Variants in PPP2R2A observed in about 807,000 individuals in gnomAD.
PPP2R2A encodes serine/threonine-protein phosphatase 2A 55 kDa regulatory subunit B alpha isoform.
A neutral mutation model predicts 53.2 loss-of-function variants in PPP2R2A; 9 were observed. The ratio of observed to expected loss-of-function variants is 0.17; its 90% CI spans 0.10 to 0.30. PPP2R2A has a LOEUF of 0.30. Among genes scored for constraint, PPP2R2A ranks in the 10% least tolerant of loss-of-function variants. The pLI, the probability that PPP2R2A is intolerant of heterozygous loss-of-function variation, is 1.00. For missense variants in PPP2R2A, 235 were observed against 534.6 expected (o/e 0.44, Z 5.53); for synonymous variants, 169 against 174.2 (o/e 0.97, Z 0.23).
At chr8:26,343,110 G>T (rs188424035) in intron 3 of PPP2R2A, among the ~76,000 whole-genome samples, 2 of 152,070 alleles carry the variant, frequency 1.3e-5, no homozygotes, top group East Asian at 3.9e-4. Context: ...GGAGGCGGAG[G>T]TTGCAGTGAG....
chr8:26,291,875 T>G (rs1318227370), intron 1 of PPP2R2A, 49 bp downstream of exon 1: 1 of 1,580,480 alleles, frequency 6.3e-7, no homozygotes, highest in South Asian at 1.1e-5. Context: ...GCTTCCTTAT[T>G]CCTCCCTCCA....
chr8:26,360,267 G>C lies in PPP2R2A; in HGVS notation c.445G>C (p.Val149Leu). ...EDGRYRDPTT[V>L]TTLRVPVFRP... is the part of the protein sequence containing the mutation. The stretch of plus-strand genomic sequence containing the variant: ...TGGAAGGTATAGAGATCCTACTACA[G>C]TTACTACACTACGAGTAAGTACATA... Residue 149 changes from valine to leucine, a missense_variant, in exon 5 of 10, where the codon GTT becomes CTT. Physicochemically the swap from Val to Leu is conservative, Grantham distance 32 (BLOSUM62 1). Transcript: ENST00000380737. The surrounding 1 kb of genome is among the most constrained non-coding windows in gnomAD (Gnocchi z 4.5). The C allele has an allele frequency of 6.3e-7, 1 of 1,594,422 alleles. No individual in the cohort carries two copies. Among genetic ancestry groups the C allele is most frequent in the Non-Finnish European group, 8.6e-7 (1 of 1,164,606 alleles).
At chr8:26,356,493 A>G (rs1804790086) in intron 4 of PPP2R2A, among the ~76,000 whole-genome samples, 2 of 152,202 alleles carry the variant, frequency 1.3e-5, no homozygotes, top group African/African-American at 2.4e-5. Flanking sequence ...TCACAGCACT[A>G]TGGGTGGAGG....
Position 26,372,325 on chromosome 8 carries a change from G to A in PPP2R2A, c.*1912G>A, listed in dbSNP as rs931757066. On this transcript the variant is annotated 3_prime_UTR_variant, in exon 10 of 10. Coordinates refer to ENST00000380737, the MANE Select transcript of PPP2R2A (RefSeq NM_002717.4). ...TCCCCTGCCACAAGTGTCAAACAGTGATATTCTTCCTGTGTTGTGACTGGA... is the reference window on the plus strand; with the variant it reads ...TCCCCTGCCACAAGTGTCAAACAGTAATATTCTTCCTGTGTTGTGACTGGA... 3 of 152,164 alleles carry A rather than the reference G, an allele frequency of 2.0e-5. No homozygotes were observed. In the East Asian group the frequency reaches 5.8e-4, roughly 29 times the overall value. 9.4% of individuals were successfully genotyped at this position (152,164 alleles called of 1,614,324 possible).
chr8:26,347,545 CTGAG>C (rs1804283713), intron 3 of PPP2R2A, among the ~76,000 whole-genome samples: 1 of 151,698 alleles, frequency 6.6e-6, no homozygotes, highest in Middle Eastern at 3.2e-3. Context: ...GTTTGATAAT[CTGAG>C]TGAAAGCACT....
Position 26,370,921 on chromosome 8 carries a change from G to T in PPP2R2A, c.*508G>T. The stretch of plus-strand genomic sequence containing the variant: ...CTGCTCCCCTTCATCTCTTACCCTT[G>T]CCCCCTCCACCCGGTCTTGGTGGTG... On this transcript the variant is annotated 3_prime_UTR_variant, in exon 10 of 10. Coordinates refer to ENST00000380737, the MANE Select transcript of PPP2R2A (RefSeq NM_002717.4). This position sits in a 1 kb window ranked among gnomAD's most constrained non-coding sequence, Gnocchi z 6.1. 6.6e-6 allele frequency: 1 copy of T among 151,956 alleles called. No homozygotes were observed. Among genetic ancestry groups the T allele is most frequent in the African/African-American group, 2.5e-5 (1 of 40,744 alleles). The allele number at this position is 151,956 out of a possible 1,614,324, so 9.4% of individuals were successfully genotyped here.
chr8:26,353,046 A>G (rs970672387), intron 3 of PPP2R2A, among the ~76,000 whole-genome samples: 2 of 152,160 alleles, frequency 1.3e-5, no homozygotes, highest in African/African-American at 4.8e-5. Flanking sequence ...GCTTAATGGT[A>G]TTGTGGTTTC....
chr8:26,354,387 G>C lies in PPP2R2A; in HGVS notation c.181-81G>C. 1 of 1,173,108 alleles carries C rather than the reference G, an allele frequency of 8.5e-7. No homozygotes were observed. Among genetic ancestry groups the C allele is most frequent in the Non-Finnish European group, 1.2e-6 (1 of 857,692 alleles). 72.7% of individuals were successfully genotyped at this position (1,173,108 alleles called of 1,614,324 possible). On this transcript the variant is annotated intron_variant, in intron 3 of 9. Transcript: ENST00000380737. The surrounding 1 kb of genome is among the most constrained non-coding windows in gnomAD (Gnocchi z 4.6). Reference sequence around the variant, plus strand: ...CTAATGGGGTATTGAGAATGTGCAGGGTCCTTTGGAATTGATTACATATTT... The same window carrying C: ...CTAATGGGGTATTGAGAATGTGCAGCGTCCTTTGGAATTGATTACATATTT...
rs192278507 is a variant in PPP2R2A at position 26,317,176 on chromosome 8, A to G, written c.83-21714A>G. 3.3e-5 allele frequency among the ~76,000 whole-genome samples: 5 copies of G among 152,342 alleles called. No homozygotes were observed. The East Asian group carries it at 5.8e-4, about 18-fold the overall frequency. ...CCCTTGCTCACTAGTAGGTCCAGCC[A>G]CAGGAGCTTTCTTGAGGGCTTTGAA... On this transcript the variant is annotated intron_variant, in intron 2 of 9. Transcript: ENST00000380737.
chr8:26,308,157 T>A (rs75276602), intron 2 of PPP2R2A, among the ~76,000 whole-genome samples: 9,704 of 152,332 alleles, frequency 0.064, 477 homozygotes, highest in East Asian at 0.26. Context: ...CTAAAAAATG[T>A]TAATAGTCTG....
chr8:26,337,574 C>T (rs1285036486), intron 2 of PPP2R2A, among the ~76,000 whole-genome samples: 1 of 152,154 alleles, frequency 6.6e-6, no homozygotes, highest in African/African-American at 2.4e-5. Flanking sequence ...AATGACTTCT[C>T]AGTACTTACT....
chr8:26,313,968 T>C (rs1269573824), intron 2 of PPP2R2A, among the ~76,000 whole-genome samples: 1 of 152,230 alleles, frequency 6.6e-6, no homozygotes, highest in South Asian at 2.1e-4. Context: ...GGAGTGGACA[T>C]TGTACATACG....
chr8:26,300,872 A>T (rs963946574), intron 2 of PPP2R2A, among the ~76,000 whole-genome samples: 1 of 152,170 alleles, frequency 6.6e-6, no homozygotes, highest in African/African-American at 2.4e-5. Flanking sequence ...GAAAAGAAAA[A>T]GCCTAGGTGC....
intron 2 of PPP2R2A, among the ~76,000 whole-genome samples, chr8:26,311,887 G>C (rs995749101): frequency 6.6e-6 from 1 of 152,064 alleles, no homozygotes; most frequent in Non-Finnish European, 1.5e-5. Flanking sequence ...TTCACTATTG[G>C]TGTCAGTTTC....
chr8:26,321,428 T>C lies in PPP2R2A; in HGVS notation c.83-17462T>C, dbSNP rs762440008. On this transcript the variant is annotated intron_variant, in intron 2 of 9. Coordinates refer to ENST00000380737, the MANE Select transcript of PPP2R2A (RefSeq NM_002717.4). This position sits in a 1 kb window ranked among gnomAD's most constrained non-coding sequence, Gnocchi z 4.1. The stretch of plus-strand genomic sequence containing the variant: ...CCCTGGCTTCTGGTATTTATGTCTC[T>C]GTGTAACCTTGTCCCTTTGAGTGTT... Among the ~76,000 whole-genome samples, 17 of 152,234 alleles carry C rather than the reference T, an allele frequency of 1.1e-4. No homozygotes were observed. The highest frequency in any genetic ancestry group is 2.2e-4 in the Non-Finnish European group (15 of 68,038).
intron 2 of PPP2R2A, among the ~76,000 whole-genome samples, chr8:26,301,746 T>C (rs568191338): frequency 6.6e-6 from 1 of 152,336 alleles, no homozygotes; most frequent in South Asian, 2.1e-4. Context: ...TGGCAACCCC[T>C]GAACTCATTC....
chr8:26,318,677 A>G (rs1032291160), intron 2 of PPP2R2A, among the ~76,000 whole-genome samples: 1 of 152,138 alleles, frequency 6.6e-6, no homozygotes, highest in Non-Finnish European at 1.5e-5. Flanking sequence ...CCCTCATTCT[A>G]TATTTATGTC....
At chr8:26,331,988 G>A (rs1373217858) in intron 2 of PPP2R2A, among the ~76,000 whole-genome samples, 2 of 152,142 alleles carry the variant, frequency 1.3e-5, no homozygotes, top group African/African-American at 4.8e-5. Context: ...GGGTTTGTCA[G>A]CATCTTAAGG....
chr8:26,302,303 T>C (rs548016899), intron 2 of PPP2R2A, among the ~76,000 whole-genome samples: 1 of 152,378 alleles, frequency 6.6e-6, no homozygotes, highest in African/African-American at 2.4e-5. Context: ...AAAACACGTC[T>C]CTGCCATTGT....
Sources: allele counts gnomAD v4.1 joint callset (sites outside exome capture counted in the v4.1 genomes callset), GRCh38; gene constraint gnomAD v4.1.1; non-coding constraint Gnocchi (gnomAD v3.1); transcripts MANE v1.5; gene names NCBI Gene and HGNC (gene_info 2026-07-23, HGNC 2026-07-21).